ITPR3: variants seen among roughly 807,000 people sequenced by gnomAD.
The protein encoded by ITPR3 is inositol 1,4,5-trisphosphate-gated calcium channel ITPR3.
ITPR3 carries 173 observed loss-of-function variants against 293.2 expected under a neutral mutation model. The observed-to-expected ratio is 0.59, with a 90% CI of 0.52 to 0.67. ITPR3 has a LOEUF of 0.67. Among genes scored for constraint, ITPR3 ranks in the 30% least tolerant of loss-of-function variants. The pLI, the probability that ITPR3 is intolerant of heterozygous loss-of-function variation, is 0.00. For synonymous variants in ITPR3, 1,295 were observed against 1,444.4 expected (o/e 0.90, Z 2.35); for missense variants, 2,796 against 3,592.1 (o/e 0.78, Z 5.66).
In ITPR3 at chr6:33,691,904, C is replaced by T. The variant is rs369789356; in HGVS notation, c.7434C>T (p.Asp2478=). The change falls in exon 54 of 58, where the codon GAC becomes GAT. Residue 2478 remains aspartate (D), a synonymous_variant. Coordinates refer to ENST00000605930, the MANE Select transcript of ITPR3 (RefSeq NM_002224.4). The surrounding 1 kb of genome is among the most constrained non-coding windows in gnomAD (Gnocchi z 4.9). ...TACGCAACGGTGGTGGCGTGGGCGACATTCTCCGCAAGCCCTCCAAAGATG... is the reference window on the plus strand; with the variant it reads ...TACGCAACGGTGGTGGCGTGGGCGATATTCTCCGCAAGCCCTCCAAAGATG... ...HGLRNGGGVG[D]ILRKPSKDES... The T allele has an allele frequency of 1.8e-5, 29 of 1,613,970 alleles. No homozygotes were observed. Among genetic ancestry groups the T allele is most frequent in the Non-Finnish European group, 2.3e-5 (27 of 1,180,020 alleles).
Position 33,672,878 on chromosome 6 carries a change from C to A in ITPR3, c.2928+650C>A, listed in dbSNP as rs553895520. Among the ~76,000 whole-genome samples the A allele has an allele frequency of 4.6e-5, 7 of 152,278 alleles. No individual in the cohort carries two copies. The highest frequency in any genetic ancestry group is 1.7e-4 in the African/African-American group (7 of 41,540). ...CCCTGTTGTGGTCTCATCTGAGACTCCCCAGCCACACCCCAGGAAGGGGCT... is the reference window on the plus strand; with the variant it reads ...CCCTGTTGTGGTCTCATCTGAGACTACCCAGCCACACCCCAGGAAGGGGCT... On this transcript the variant is annotated intron_variant, in intron 22 of 57. Coordinates refer to ENST00000605930, the MANE Select transcript of ITPR3 (RefSeq NM_002224.4). The surrounding 1 kb of genome is among the most constrained non-coding windows in gnomAD (Gnocchi z 5.0).
At chr6:33,659,720 G>T (rs1764408583) in intron 7 of ITPR3, among the ~76,000 whole-genome samples, 171 bp downstream of exon 7, 1 of 152,096 alleles carries the variant, frequency 6.6e-6, no homozygotes, top group Non-Finnish European at 1.5e-5. Context: ...GCCCTACCAG[G>T]GCTGCCGCTT....
In ITPR3 at chr6:33,650,658, C is replaced by G. The variant is rs116339331; in HGVS notation, c.161-5108C>G. Among the ~76,000 whole-genome samples the G allele has an allele frequency of 3.7e-3, 565 of 152,328 alleles. 2 individuals carry two copies. The highest frequency in any genetic ancestry group is 0.013 in the African/African-American group (531 of 41,578). Reference sequence around the variant, plus strand: ...TTCTTTCTTCAGCTCTGGCTATTCTCTGGTTAAATATGTCCAGTGAGTTTT... The same window carrying G: ...TTCTTTCTTCAGCTCTGGCTATTCTGTGGTTAAATATGTCCAGTGAGTTTT... On this transcript the variant is annotated intron_variant, in intron 2 of 57. Coordinates refer to ENST00000605930, the MANE Select transcript of ITPR3 (RefSeq NM_002224.4).
At chr6:33,657,405 A>G (rs10080540) in intron 3 of ITPR3, among the ~76,000 whole-genome samples, 9,033 of 151,908 alleles carry the variant, frequency 0.059, 278 homozygotes, top group African/African-American at 0.068. Flanking sequence ...CCACTCAGGG[A>G]GGGCTGCCTG....
At position 33,691,501 on chromosome 6, in the gene ITPR3, G is replaced by C; in HGVS notation, c.7226-114G>C. ...CCTTCACTGTGGCTGGACAGTGGAG[G>C]GCTGGCGATCCAGGACCAGGGAAGG... On this transcript the variant is annotated intron_variant, in intron 52 of 57. Transcript: ENST00000605930. The surrounding 1 kb of genome is among the most constrained non-coding windows in gnomAD (Gnocchi z 4.9). The C allele has an allele frequency of 1.2e-6, 1 of 832,894 alleles. No homozygotes were observed. Among genetic ancestry groups the C allele is most frequent in the East Asian group, 2.7e-5 (1 of 37,582 alleles). The allele number at this position is 832,894 out of a possible 1,614,324, so 51.6% of individuals were successfully genotyped here.
chr6:33,648,250 G>C (rs550908614), intron 2 of ITPR3, among the ~76,000 whole-genome samples: 1 of 151,898 alleles, frequency 6.6e-6, no homozygotes, highest in South Asian at 2.1e-4. Flanking sequence ...ATTTTTTGTA[G>C]AGACGAGGTC....
At chr6:33,671,956 T>G (rs995524524) in intron 21 of ITPR3, 73 bp from the exon 22 acceptor site, 1 of 1,375,412 alleles carries the variant, frequency 7.3e-7, no homozygotes, top group African/African-American at 1.4e-5. Context: ...TCTGCCTCCC[T>G]CATCAGACCA....
At chr6:33,663,360 G>A in intron 9 of ITPR3, 140 bp from the exon 10 acceptor site, 1 of 775,452 alleles carries the variant, frequency 1.3e-6, no homozygotes. Flanking sequence ...GGCTCCCCTG[G>A]AATGATATGG....
At position 33,683,956 on chromosome 6, in the gene ITPR3, G is replaced by A; in HGVS notation, c.4789-64G>A. On this transcript the variant is annotated intron_variant, in intron 35 of 57. Coordinates refer to ENST00000605930, the MANE Select transcript of ITPR3 (RefSeq NM_002224.4). This position sits in a 1 kb window ranked among gnomAD's most constrained non-coding sequence, Gnocchi z 4.5. ...GGGGCTGTTTGGCGTTTGGGTCGGAGGAATGGCAGTCACACCCGGGTCATT... is the reference window on the plus strand; with the variant it reads ...GGGGCTGTTTGGCGTTTGGGTCGGAAGAATGGCAGTCACACCCGGGTCATT... The A allele has an allele frequency of 1.3e-6, 2 of 1,533,070 alleles. No individual in the cohort carries two copies. Among genetic ancestry groups the A allele is most frequent in the Non-Finnish European group, 1.8e-6 (2 of 1,139,602 alleles). 95.0% of individuals were successfully genotyped at this position (1,533,070 alleles called of 1,614,324 possible).
intron 16 of ITPR3, 93 bp downstream of exon 16, chr6:33,668,057 C>G: frequency 7.0e-7 from 1 of 1,419,178 alleles, no homozygotes; most frequent in Non-Finnish European, 9.7e-7. Context: ...TATTCCTGCA[C>G]CTGTTGGTAA....
intron 56 of ITPR3, chr6:33,694,704 TC>T: frequency 5.5e-6 from 3 of 547,838 alleles, no homozygotes; most frequent in Admixed American, 3.5e-5. Context: ...CTAACGGAAG[TC>T]AGCCTGTCTC....
chr6:33,689,708 C>T (rs1271385860), intron 50 of ITPR3, among the ~76,000 whole-genome samples: 1 of 152,218 alleles, frequency 6.6e-6, no homozygotes, highest in African/African-American at 2.4e-5. Flanking sequence ...CACTGCTACG[C>T]GGCAGACGTG....
chr6:33,693,681 G>A lies in ITPR3; in HGVS notation c.7761G>A (p.Glu2587=). 6.2e-7 allele frequency: 1 copy of A among 1,614,166 alleles called. No homozygotes were observed. The highest frequency in any genetic ancestry group is 8.5e-7 in the Non-Finnish European group (1 of 1,180,008). Residue 2587 remains glutamate, a synonymous_variant, in exon 56 of 58, where the codon GAG becomes GAA. Transcript: ENST00000605930. ...VKNKTDYTGP[E]SYVAQMIKNK... ...ACAAGACCGACTACACGGGCCCTGAGAGCTACGTGGCCCAGATGATCAAGG... is the reference window on the plus strand; with the variant it reads ...ACAAGACCGACTACACGGGCCCTGAAAGCTACGTGGCCCAGATGATCAAGG...
intron 9 of ITPR3, among the ~76,000 whole-genome samples, chr6:33,663,272 C>A (rs770608928): frequency 6.6e-6 from 1 of 152,196 alleles, no homozygotes; most frequent in Non-Finnish European, 1.5e-5. Context: ...GTCTGTAATG[C>A]GCACACTTGT....
Position 33,676,914 on chromosome 6 carries a change from C to G in ITPR3, c.3429C>G (p.Ala1143=), listed in dbSNP as rs143312526. Residue 1143 remains alanine, a synonymous_variant, in exon 26 of 58, where the codon GCC becomes GCG. Transcript: ENST00000605930. ...SGKGEEVEAG[A]AKDKKERPTD... ...AGGGTGAGGAGGTGGAGGCAGGCGCCGCCAAGGACAAGAAAGAGGTAAGTG... is the reference window on the plus strand; with the variant it reads ...AGGGTGAGGAGGTGGAGGCAGGCGCGGCCAAGGACAAGAAAGAGGTAAGTG... The G allele has an allele frequency of 6.2e-5, 100 of 1,613,934 alleles. No homozygotes were observed. Among genetic ancestry groups the G allele is most frequent in the Non-Finnish European group, 8.4e-5 (99 of 1,179,950 alleles).
chr6:33,683,508 C>A lies in ITPR3; in HGVS notation c.4788+111C>A. ...GGAGTGTTTCTTCCTGTCCTGCCCA[C>A]ACTTCCAGGAAGGGGCTGGTTGGCT... On this transcript the variant is annotated intron_variant, in intron 35 of 57. Coordinates refer to ENST00000605930, the MANE Select transcript of ITPR3 (RefSeq NM_002224.4). The surrounding 1 kb of genome is among the most constrained non-coding windows in gnomAD (Gnocchi z 4.5). 1.1e-6 allele frequency: 1 copy of A among 945,936 alleles called. No homozygotes were observed. The highest frequency in any genetic ancestry group is 1.5e-6 in the Non-Finnish European group (1 of 657,984). The allele number at this position is 945,936 out of a possible 1,614,324, so 58.6% of individuals were successfully genotyped here.
intron 24 of ITPR3, 50 bp downstream of exon 24, chr6:33,674,315 A>AC: frequency 6.4e-7 from 1 of 1,572,684 alleles, no homozygotes; most frequent in East Asian, 2.2e-5. Context: ...GAGGCTCGAC[A>AC]CCCCCTCTTG....
chr6:33,635,057 TCTCG>T (rs1763787080), intron 1 of ITPR3, among the ~76,000 whole-genome samples: 1 of 152,160 alleles, frequency 6.6e-6, no homozygotes, highest in Non-Finnish European at 1.5e-5. Flanking sequence ...GCTTTCTTTC[TCTCG>T]CCATCAAAAT....
Position 33,680,017 on chromosome 6 carries a change from G to A in ITPR3, c.4108G>A (p.Asp1370Asn). ...SPLMYHISLV[D>N]LLAACAEGKN... ...CCTCATGTACCACATTTCCCTGGTG[G>A]ACCTGCTGGCCGCCTGTGCCGAGGG... is the stretch of plus-strand genomic sequence containing the variant. The change falls in exon 31 of 58, where the codon GAC (aspartate) becomes AAC (asparagine). Residue 1370 changes from aspartate to asparagine, a missense_variant. Physicochemically the swap from Asp to Asn is conservative, Grantham distance 23. Around this residue, in one of 8 missense-constraint regions of ITPR3, gnomAD observed 344 missense variants for 460.3 expected, o/e 0.75. Transcript: ENST00000605930. The A allele has an allele frequency of 6.2e-7, 1 of 1,613,928 alleles. No individual in the cohort carries two copies. Among genetic ancestry groups the A allele is most frequent in the Non-Finnish European group, 8.5e-7 (1 of 1,180,036 alleles).
Sources: gnomAD v4.1 joint callset for allele counts (sites outside exome capture counted in the v4.1 genomes callset) on GRCh38, gnomAD v4.1.1 for gene constraint, gnomAD v4.1.1 regional missense constraint, Gnocchi (gnomAD v3.1) non-coding constraint, MANE v1.5 for transcripts, NCBI Gene and HGNC (gene_info 2026-07-23, HGNC 2026-07-21) for gene names.